Variants in IGF1 observed in about 807,000 individuals in gnomAD.
IGF1 encodes insulin like growth factor 1.
Under a neutral mutation model 13.8 loss-of-function variants are expected in IGF1, and 4 were observed. That is an observed-to-expected ratio of 0.29 (90% CI 0.14 to 0.66). IGF1 has a LOEUF of 0.66. IGF1 is among the 30% of genes least tolerant of loss of function. The pLI is 0.78. For missense variants in IGF1, 124 were observed against 188.5 expected (o/e 0.66, Z 2.00); for synonymous variants, 76 against 72.6 (o/e 1.05, Z -0.23).
rs187891690 is a variant in IGF1, at chr12:102,462,011, C to T, written c.220+13632G>A. 1.8e-4 allele frequency among the ~76,000 whole-genome samples: 27 copies of T among 152,266 alleles called. 1 individual carries two copies. The highest frequency in any genetic ancestry group is 1.5e-3 in the East Asian group (8 of 5,180). ...ACACGCATCCAAATCCTGTGGGTAT[C>T]GGGTTAAAATGCAGATTTTGATTTA... On this transcript the variant is annotated intron_variant, in intron 2 of 3. Transcript: ENST00000337514.
At chr12:102,405,757 G>A (rs938990596) in intron 3 of IGF1, among the ~76,000 whole-genome samples, 2 of 152,142 alleles carry the variant, frequency 1.3e-5, no homozygotes, top group Non-Finnish European at 2.9e-5. Flanking sequence ...CTCATAAAGC[G>A]TTTAATCTCC....
chr12:102,480,127 AT>A (rs1881315280), intron 1 of IGF1, among the ~76,000 whole-genome samples, 191 bp downstream of exon 1: 1 of 152,204 alleles, frequency 6.6e-6, no homozygotes, highest in African/African-American at 2.4e-5. Context: ...TCATACAGAT[AT>A]CTGTGCAAAT....
chr12:102,419,908 T>C (rs1022233712), intron 2 of IGF1, among the ~76,000 whole-genome samples: 2 of 152,182 alleles, frequency 1.3e-5, no homozygotes, highest in Non-Finnish European at 2.9e-5. Context: ...CACTAACTCA[T>C]TCACCATGCT....
At chr12:102,478,488 G>A in intron 1 of IGF1, 1 of 1,609,106 alleles carries the variant, frequency 6.2e-7, no homozygotes, top group Non-Finnish European at 8.5e-7. Flanking sequence ...AATACTCACT[G>A]TAGGTGTAAT....
chr12:102,478,804 C>CACTCCCTT (rs1448839791), intron 1 of IGF1, among the ~76,000 whole-genome samples: 1 of 152,134 alleles, frequency 6.6e-6, no homozygotes, highest in African/African-American at 2.4e-5. Context: ...AGCTCCAGTC[C>CACTCCCTT]ACTCCCTTAC....
intron 2 of IGF1, among the ~76,000 whole-genome samples, chr12:102,433,809 C>T (rs532875634): frequency 6.6e-6 from 1 of 152,240 alleles, no homozygotes; most frequent in South Asian, 2.1e-4. Context: ...ACACCAGGGC[C>T]AGTCTCAAGT....
At chr12:102,406,260 TCTTAA>T (rs1426403791) in intron 3 of IGF1, among the ~76,000 whole-genome samples, 40 of 152,240 alleles carry the variant, frequency 2.6e-4, no homozygotes, top group African/African-American at 8.0e-4. Flanking sequence ...TTGCTCATTG[TCTTAA>T]CTTAATTACG....
At chr12:102,442,414 T>C (rs942399463) in intron 2 of IGF1, among the ~76,000 whole-genome samples, 1 of 152,152 alleles carries the variant, frequency 6.6e-6, no homozygotes, top group Non-Finnish European at 1.5e-5. Context: ...TATGACATAG[T>C]GGGTGATGCA....
At chr12:102,405,227 C>T (rs1408377734) in intron 3 of IGF1, among the ~76,000 whole-genome samples, 2 of 151,862 alleles carry the variant, frequency 1.3e-5, no homozygotes, top group Admixed American at 1.3e-4. Context: ...GCTGGGATTA[C>T]AGGCACGCGC....
intron 2 of IGF1, among the ~76,000 whole-genome samples, chr12:102,471,081 C>A (rs1449059427): frequency 1.1e-4 from 17 of 152,100 alleles, no homozygotes; most frequent in Non-Finnish European, 2.9e-5. Context: ...CTATTCCATC[C>A]CCGAGGGGTT....
rs373139385 is a variant in IGF1 at position 102,402,383 on chromosome 12, C to T, written c.*124G>A. On this transcript the variant is annotated 3_prime_UTR_variant, in exon 4 of 4. Transcript: ENST00000337514. ...TACTTGTGTATTTCATTGGGGGAAA[C>T]GCCCATCTTTTAAATGTTATCAAAC... is the stretch of plus-strand genomic sequence containing the variant. 145 of 771,766 alleles carry T rather than the reference C, an allele frequency of 1.9e-4. 1 individual carries two copies. The highest frequency in any genetic ancestry group is 2.7e-4 in the Admixed American group (16 of 58,424). 47.8% of individuals were successfully genotyped at this position (771,766 alleles called of 1,614,324 possible).
intron 3 of IGF1, 81 bp downstream of exon 3, chr12:102,419,428 G>T (rs1198364667): frequency 1.5e-6 from 2 of 1,371,518 alleles, no homozygotes; most frequent in South Asian, 1.3e-5. Context: ...AGACTATGGG[G>T]CAGGATTTCT....
chr12:102,481,192 G>A (rs1302273095), upstream of IGF1, among the ~76,000 whole-genome samples: 2 of 152,148 alleles, frequency 1.3e-5, no homozygotes, highest in Non-Finnish European at 2.9e-5. Context: ...CAAAGACTAT[G>A]CCGAGCTGTA....
intron 3 of IGF1, among the ~76,000 whole-genome samples, chr12:102,405,038 T>G (rs1354093483): frequency 1.3e-5 from 2 of 151,870 alleles, no homozygotes; most frequent in East Asian, 1.9e-4. Flanking sequence ...ATTACAGGCG[T>G]AAGCTAAATG....
In IGF1 at chr12:102,401,481, T is replaced by C. The variant is rs1873676758; in HGVS notation, c.*1026A>G. 1 of 152,668 alleles carries C rather than the reference T, an allele frequency of 6.6e-6. No individual in the cohort carries two copies. Among genetic ancestry groups the C allele is most frequent in the Non-Finnish European group, 1.5e-5 (1 of 68,052 alleles). 9.5% of individuals were successfully genotyped at this position (152,668 alleles called of 1,614,324 possible). ...GGGGGACTTTGCCTTCTTTCCCAAATGGATGGTGTTTTCAGTACCCTTCCC... is the reference window on the plus strand; with the variant it reads ...GGGGGACTTTGCCTTCTTTCCCAAACGGATGGTGTTTTCAGTACCCTTCCC... On this transcript the variant is annotated 3_prime_UTR_variant, in exon 4 of 4. Coordinates refer to ENST00000337514, the MANE Select transcript of IGF1 (RefSeq NM_000618.5).
chr12:102,468,023 G>A (rs1270744008), intron 2 of IGF1, among the ~76,000 whole-genome samples: 1 of 152,188 alleles, frequency 6.6e-6, no homozygotes, highest in Non-Finnish European at 1.5e-5. Context: ...GGACTTCTAA[G>A]TTTGTAGCAA....
intron 2 of IGF1, among the ~76,000 whole-genome samples, chr12:102,440,259 TC>T (rs1221804546): frequency 6.6e-6 from 1 of 152,174 alleles, no homozygotes; most frequent in African/African-American, 2.4e-5. Flanking sequence ...GCTTCCCTTC[TC>T]CAGCCCCCAC....
chr12:102,415,576 T>TTCCG (rs1565966825), intron 3 of IGF1: 31 of 69,586 alleles, frequency 4.5e-4, no homozygotes, highest in Non-Finnish European at 6.2e-4. Context: ...CCTTCCTTCC[T>TTCCG]TCCTTCCTTC....
chr12:102,479,267 C>G (rs1881260060), intron 1 of IGF1, among the ~76,000 whole-genome samples: 2 of 152,132 alleles, frequency 1.3e-5, no homozygotes, highest in African/African-American at 4.8e-5. Flanking sequence ...ACTTACTTGA[C>G]TAGGGAAAGT....
Sources: allele counts gnomAD v4.1 joint callset (sites outside exome capture counted in the v4.1 genomes callset), GRCh38; gene constraint gnomAD v4.1.1; transcripts MANE v1.5; gene names NCBI Gene and HGNC (gene_info 2026-07-23, HGNC 2026-07-21).